Variants in CCDC201 observed in about 807,000 individuals in gnomAD.
CCDC201 encodes coiled-coil domain containing 201.
chr7:45,869,962 A>G (rs987484173), intron 1 of CCDC201, among the ~76,000 whole-genome samples: 1 of 151,988 alleles, frequency 6.6e-6, no homozygotes, highest in African/African-American at 2.4e-5. Flanking sequence ...GATTACAAGC[A>G]TGTGCCACCA....
chr7:45,865,046 G>A (rs890360092), intron 2 of CCDC201, among the ~76,000 whole-genome samples: 3 of 151,840 alleles, frequency 2.0e-5, no homozygotes, highest in Non-Finnish European at 4.4e-5. Flanking sequence ...GCAGGTGGGA[G>A]TCAGGGACAG....
At chr7:45,862,579 C>G (rs543092144) in exon 3 of CCDC201, 10 of 152,286 alleles carry the variant, frequency 6.6e-5, no homozygotes, top group Non-Finnish European at 8.8e-5. Flanking sequence ...ACCCACCATC[C>G]AGTGCAGAGA....
intron 2 of CCDC201, 38 bp downstream of exon 2, chr7:45,865,998 G>A (rs1447231374): frequency 6.5e-6 from 1 of 153,614 alleles, no homozygotes; most frequent in African/African-American, 2.4e-5. Context: ...AGAACTCCTG[G>A]GGGAAAGGGA....
chr7:45,884,351 C>T, the CCDC201 span, among the ~76,000 whole-genome samples: 2 of 152,214 alleles, frequency 1.3e-5, no homozygotes, highest in African/African-American at 2.4e-5. Context: ...TCTCCCACGT[C>T]AGCCTCTCAG....
chr7:45,883,535 G>T, the CCDC201 span, among the ~76,000 whole-genome samples: 2 of 152,122 alleles, frequency 1.3e-5, no homozygotes, highest in East Asian at 3.9e-4. Context: ...AGGCCCATTA[G>T]AGTCGATGAC....
At chr7:45,876,900 C>T (rs562489603), upstream of CCDC201, among the ~76,000 whole-genome samples, 1 of 152,260 alleles carries the variant, frequency 6.6e-6, no homozygotes, top group African/African-American at 2.4e-5. Flanking sequence ...GCAGGACACA[C>T]AGGCTCTGAA....
intron 2 of CCDC201, among the ~76,000 whole-genome samples, chr7:45,864,322 A>C (rs1383616628): frequency 6.6e-6 from 1 of 152,158 alleles, no homozygotes; most frequent in East Asian, 1.9e-4. Context: ...TGCGTTCCAC[A>C]TGGGTTGTTC....
chr7:45,873,644 C>G (rs114811678), upstream of CCDC201, among the ~76,000 whole-genome samples: 660 of 152,268 alleles, frequency 4.3e-3, 6 homozygotes, highest in African/African-American at 0.015. Flanking sequence ...TGCTGCAGGT[C>G]CACTTAGGAA....
upstream of CCDC201, among the ~76,000 whole-genome samples, chr7:45,874,250 T>C (rs1361865688): frequency 6.6e-6 from 1 of 152,150 alleles, no homozygotes; most frequent in African/African-American, 2.4e-5. Flanking sequence ...AGCCCATAGT[T>C]GTGGGGCAAA....
chr7:45,871,634 C>G (rs1029055538), intron 1 of CCDC201, among the ~76,000 whole-genome samples: 9 of 152,028 alleles, frequency 5.9e-5, no homozygotes, highest in Admixed American at 5.9e-4. Flanking sequence ...AAAGATACAC[C>G]AATGCAAAGA....
exon 3 of CCDC201, chr7:45,860,113 G>A (rs1786577690): frequency 6.5e-6 from 1 of 153,150 alleles, no homozygotes; most frequent in Admixed American, 6.5e-5. Flanking sequence ...AGGCGGTAGA[G>A]TTAGGAGCAA....
chr7:45,876,648 G>C (rs1430649123), upstream of CCDC201, among the ~76,000 whole-genome samples: 1 of 152,198 alleles, frequency 6.6e-6, no homozygotes, highest in Non-Finnish European at 1.5e-5. Flanking sequence ...GCAGTGTAAG[G>C]ATATTTTGTT....
intron 1 of CCDC201, among the ~76,000 whole-genome samples, chr7:45,867,975 G>A (rs1391309249): frequency 6.6e-6 from 1 of 152,184 alleles, no homozygotes; most frequent in Non-Finnish European, 1.5e-5. Context: ...TCAAAGTGGT[G>A]GGAAAGTATA....
intron 2 of CCDC201, among the ~76,000 whole-genome samples, chr7:45,864,421 G>A (rs35472232): frequency 0.048 from 7,290 of 152,256 alleles, 228 homozygotes; most frequent in Admixed American, 0.066. Flanking sequence ...TCTCCTGGCC[G>A]CAGGTGGGAA....
chr7:45,883,439 G>A, the CCDC201 span, among the ~76,000 whole-genome samples: 1 of 152,172 alleles, frequency 6.6e-6, no homozygotes, highest in Non-Finnish European at 1.5e-5. Context: ...GGGTCCCCAG[G>A]GATGGAGAAG....
At chr7:45,865,772 G>A (rs1194771373) in intron 2 of CCDC201, among the ~76,000 whole-genome samples, 1 of 152,164 alleles carries the variant, frequency 6.6e-6, no homozygotes, top group African/African-American at 2.4e-5. Flanking sequence ...CATCAGTCAC[G>A]GGGGCCCTCA....
At chr7:45,874,108 A>G (rs900623704), upstream of CCDC201, among the ~76,000 whole-genome samples, 1 of 151,798 alleles carries the variant, frequency 6.6e-6, no homozygotes, top group Non-Finnish European at 1.5e-5. Flanking sequence ...TTTTGTAGAG[A>G]CAGGCTTTGC....
chr7:45,863,700 G>A (rs1786630254), intron 2 of CCDC201, among the ~76,000 whole-genome samples: 4 of 152,142 alleles, frequency 2.6e-5, no homozygotes, highest in Admixed American at 2.0e-4. Flanking sequence ...CTGGAACCTG[G>A]GGATTTTGGG....
chr7:45,862,859 GTCT>G (rs1451115377), exon 3 of CCDC201: 1 of 152,324 alleles, frequency 6.6e-6, no homozygotes, highest in African/African-American at 2.4e-5. Context: ...GCAGAGCCTT[GTCT>G]TCTTTAACCT....
Sources: gnomAD v4.1 joint callset for allele counts (sites outside exome capture counted in the v4.1 genomes callset) on GRCh38, gnomAD v4.1.1 for gene constraint, MANE v1.5 for transcripts, NCBI Gene and HGNC (gene_info 2026-07-23, HGNC 2026-07-21) for gene names.